Variants in MAP4 observed in about 807,000 individuals in gnomAD.
The protein encoded by MAP4 is microtubule associated protein 4.
MAP4 carries 76 observed loss-of-function variants against 170.2 expected under a neutral mutation model. The ratio of observed to expected loss-of-function variants is 0.45; its 90% CI spans 0.37 to 0.54. The LOEUF is 0.54. Ranked by LOEUF, MAP4 falls within the 20% of genes least tolerant of loss-of-function variation. The probability of loss-of-function intolerance (pLI) is 0.00; values close to 1 mark genes in which losing one functional copy is unlikely to be tolerated. For missense variants in MAP4, 2,506 were observed against 2,748.0 expected (o/e 0.91, Z 1.97); for synonymous variants, 909 against 994.5 (o/e 0.91, Z 1.62).
chr3:48,083,476 C>T (rs2154571423), intron 1 of MAP4, among the ~76,000 whole-genome samples: 1 of 152,098 alleles, frequency 6.6e-6, no homozygotes, highest in South Asian at 2.1e-4. Flanking sequence ...AGTGATTCTC[C>T]TGCCTCAGCT....
chr3:47,991,133 G>A (rs886624273), intron 2 of MAP4, among the ~76,000 whole-genome samples: 4 of 152,160 alleles, frequency 2.6e-5, no homozygotes, highest in Non-Finnish European at 4.4e-5. Flanking sequence ...ATCATACTTA[G>A]AGAAAAAAGC....
chr3:47,904,913 G>C (rs1160463466), intron 9 of MAP4, among the ~76,000 whole-genome samples: 3 of 152,112 alleles, frequency 2.0e-5, no homozygotes, highest in African/African-American at 7.2e-5. Context: ...CAAGTGATTT[G>C]CCTACCTCAG....
At chr3:47,878,750 C>T (rs319681) in intron 10 of MAP4, among the ~76,000 whole-genome samples, 37,823 of 152,004 alleles carry the variant, frequency 0.25, 5,173 homozygotes, top group South Asian at 0.33. Flanking sequence ...GTTGGCCAGG[C>T]TGGTCTCAAA....
At chr3:47,919,091 C>T (rs565857074) in intron 5 of MAP4, among the ~76,000 whole-genome samples, 1 of 151,694 alleles carries the variant, frequency 6.6e-6, no homozygotes, top group South Asian at 2.1e-4. Flanking sequence ...GCCACAGCTC[C>T]CGGCTAATTT....
At chr3:48,054,700 C>A (rs2100129781) in intron 1 of MAP4, among the ~76,000 whole-genome samples, 2 of 146,300 alleles carry the variant, frequency 1.4e-5, no homozygotes, top group Non-Finnish European at 3.0e-5. Context: ...CCCAGCTACT[C>A]AGGAGGCTGA....
chr3:48,075,938 G>A (rs1197032828), intron 1 of MAP4, among the ~76,000 whole-genome samples: 2 of 140,354 alleles, frequency 1.4e-5, no homozygotes, highest in Non-Finnish European at 3.0e-5. Context: ...TCACGTCATT[G>A]CACTTCAGCC....
rs2058630161 is a variant in MAP4, at chr3:47,857,527, A to G, written c.6502-15T>C. ...TGAATCTGAACCTGAAGAGAAGGAC[A>G]CAAAAGACTCATTCAGAGAGAAGGT... On this transcript the variant is annotated splice_polypyrimidine_tract_variant and intron_variant, in intron 17 of 20. Transcript: ENST00000683076. 6.3e-7 allele frequency: 1 copy of G among 1,577,420 alleles called. No individual in the cohort carries two copies. Among genetic ancestry groups the G allele is most frequent in the Admixed American group, 1.7e-5 (1 of 59,956 alleles).
At chr3:48,008,480 A>C (rs910130591) in intron 1 of MAP4, among the ~76,000 whole-genome samples, 1 of 152,212 alleles carries the variant, frequency 6.6e-6, no homozygotes, top group African/African-American at 2.4e-5. Context: ...TTTGAATGGA[A>C]GGAGAAATGG....
intron 3 of MAP4, among the ~76,000 whole-genome samples, chr3:47,937,168 AC>A (rs2100053453): frequency 6.6e-6 from 1 of 152,128 alleles, no homozygotes; most frequent in Non-Finnish European, 1.5e-5. Flanking sequence ...TAATTCTGAG[AC>A]TTTTGACTTA....
chr3:47,991,894 C>A (rs1037357262), intron 2 of MAP4, among the ~76,000 whole-genome samples: 1 of 151,904 alleles, frequency 6.6e-6, no homozygotes, highest in African/African-American at 2.4e-5. Context: ...TGGTCTCGAA[C>A]TCCTGACCTC....
At chr3:47,969,574 T>A (rs2100077309) in intron 3 of MAP4, among the ~76,000 whole-genome samples, 1 of 152,204 alleles carries the variant, frequency 6.6e-6, no homozygotes, top group African/African-American at 2.4e-5. Flanking sequence ...GGTTAGACAC[T>A]TCTTGTGCCC....
Position 47,891,629 on chromosome 3 carries a change from T to C in MAP4, c.5434+11321A>G, listed in dbSNP as rs748930991. The C allele has an allele frequency of 2.5e-5, 38 of 1,535,990 alleles. No individual in the cohort carries two copies. The South Asian group carries it at 4.5e-4, about 18-fold the overall frequency. On this transcript the variant is annotated intron_variant, in intron 10 of 20. Transcript: ENST00000683076. ...TGCCTTTTTCTGCTGGGGGGCTTGGTTGAGCACAGCCTCCTCGGTAGAACT... is the reference window on the plus strand; with the variant it reads ...TGCCTTTTTCTGCTGGGGGGCTTGGCTGAGCACAGCCTCCTCGGTAGAACT...
Position 47,918,818 on chromosome 3 carries a change from C to T in MAP4, c.553G>A (p.Val185Ile), listed in dbSNP as rs2100041139. Reference sequence around the variant, plus strand: ...TCCACAGACCACCCCTGAGGTACAACAGCTGTGTTGCAGGGAGACATACCT... The same window carrying T: ...TCCACAGACCACCCCTGAGGTACAATAGCTGTGTTGCAGGGAGACATACCT... Reference protein sequence around the residue: ...SYGMSPCNTAVVPQGWSVEAL... With the variant: ...SYGMSPCNTAIVPQGWSVEAL... The change falls in exon 6 of 21, where the codon GTT becomes ATT. Residue 185 changes from valine (V) to isoleucine (I), a missense_variant. Physicochemically the swap from Val to Ile is conservative, Grantham distance 29 (BLOSUM62 3). Around this residue, in one of 3 missense-constraint regions of MAP4, gnomAD observed 2,008 missense variants for 2,206.0 expected, o/e 0.91. Coordinates refer to ENST00000683076, the MANE Select transcript of MAP4 (RefSeq NM_001385682.1). 6.2e-7 allele frequency: 1 copy of T among 1,613,222 alleles called. No homozygotes were observed. Among genetic ancestry groups the T allele is most frequent in the Non-Finnish European group, 8.5e-7 (1 of 1,179,268 alleles).
At chr3:48,052,564 C>T (rs989427896) in intron 1 of MAP4, among the ~76,000 whole-genome samples, 1 of 152,108 alleles carries the variant, frequency 6.6e-6, no homozygotes, top group Non-Finnish European at 1.5e-5. Context: ...GTAATGGATG[C>T]ACAACTGTGA....
intron 3 of MAP4, chr3:47,960,858 A>C (rs955110720): frequency 5.9e-6 from 1 of 169,694 alleles, no homozygotes; most frequent in Non-Finnish European, 1.4e-5. Context: ...TATTACTCTT[A>C]TCATAGAAAA....
chr3:48,074,725 T>TGTGTGTGTGTGTGTGTGTGTGA (rs756153345), intron 1 of MAP4, among the ~76,000 whole-genome samples: 88 of 147,384 alleles, frequency 6.0e-4, no homozygotes, highest in Middle Eastern at 3.5e-3. Flanking sequence ...TGTGTGTGTG[T>TGTGTGTGTGTGTGTGTGTGTGA]GATATGTCGG....
chr3:47,916,791 T>C lies in MAP4; in HGVS notation c.1036A>G (p.Lys346Glu). 1 of 1,614,254 alleles carries C rather than the reference T, an allele frequency of 6.2e-7. No homozygotes were observed. Among genetic ancestry groups the C allele is most frequent in the Non-Finnish European group, 8.5e-7 (1 of 1,180,044 alleles). Residue 346 changes from lysine to glutamate, a missense_variant, in exon 7 of 21, where the codon AAG (lysine) becomes GAG (glutamate). Around this residue, in one of 3 missense-constraint regions of MAP4, gnomAD observed 2,008 missense variants for 2,206.0 expected, o/e 0.91. Coordinates refer to ENST00000683076, the MANE Select transcript of MAP4 (RefSeq NM_001385682.1). ...GTTTCTTTCAACAGTGTCACATCCTTGGCTGGGGCTACCTCTGTTTCTGTG... is the reference window on the plus strand; with the variant it reads ...GTTTCTTTCAACAGTGTCACATCCTCGGCTGGGGCTACCTCTGTTTCTGTG... Reference protein sequence around the residue: ...LPTETEVAPAKDVTLLKETER... With the variant: ...LPTETEVAPAEDVTLLKETER...
intron 2 of MAP4, among the ~76,000 whole-genome samples, chr3:47,980,329 C>G (rs1378682953): frequency 6.6e-6 from 1 of 152,154 alleles, no homozygotes; most frequent in Non-Finnish European, 1.5e-5. Context: ...AGCAACCAGC[C>G]TAGCTCTGCA....
At chr3:47,877,649 G>T in intron 10 of MAP4, 126 bp from the exon 11 acceptor site, 3 of 607,880 alleles carry the variant, frequency 4.9e-6, no homozygotes, top group South Asian at 2.2e-5. Flanking sequence ...CCACAGGGTT[G>T]TGCTGCTGAA....
Sources: allele counts gnomAD v4.1 joint callset (sites outside exome capture counted in the v4.1 genomes callset), GRCh38; gene constraint gnomAD v4.1.1; regional missense constraint gnomAD v4.1.1; transcripts MANE v1.5; gene names NCBI Gene and HGNC (gene_info 2026-07-23, HGNC 2026-07-21).